Variants in CNTN1 observed in about 807,000 individuals in gnomAD.
The protein encoded by CNTN1 is contactin 1.
A neutral mutation model predicts 126.4 loss-of-function variants in CNTN1; 38 were observed. The observed-to-expected ratio is 0.30, with a 90% CI of 0.23 to 0.39. CNTN1 has a LOEUF of 0.39. Among genes scored for constraint, CNTN1 ranks in the 10% least tolerant of loss-of-function variants. The probability of loss-of-function intolerance (pLI) is 1.00; values close to 1 mark genes in which losing one functional copy is unlikely to be tolerated. For synonymous variants in CNTN1, 413 were observed against 422.6 expected (o/e 0.98, Z 0.28); for missense variants, 1,009 against 1,248.4 (o/e 0.81, Z 2.89).
Position 40,983,468 on chromosome 12 carries a change from C to CGTGTGT in CNTN1, c.1963+2421_1963+2426dup, listed in dbSNP as rs141568233. ...TTTTAATTCCTTTGATGATATTCACCGTGTGTGTGTGTGTGTGTGTGTGTG... is the reference window on the plus strand; with the variant it reads ...TTTTAATTCCTTTGATGATATTCACCGTGTGTGTGTGTGTGTGTGTGTGTGTGTGTG... On this transcript the variant is annotated intron_variant, in intron 16 of 23. Coordinates refer to ENST00000551295, the MANE Select transcript of CNTN1 (RefSeq NM_001843.4). Among the ~76,000 whole-genome samples, 640 of 145,966 alleles carry CGTGTGT rather than the reference C, an allele frequency of 4.4e-3. 7 individuals are homozygous for CGTGTGT. The highest frequency in any genetic ancestry group is 0.015 in the African/African-American group (596 of 40,006).
rs1042257736 is a variant in CNTN1, at chr12:40,839,766, C to T, written c.-76-68591C>T. Among the ~76,000 whole-genome samples the T allele has an allele frequency of 2.0e-5, 3 of 152,220 alleles. No homozygotes were observed. In the East Asian group the frequency reaches 5.8e-4, roughly 29 times the overall value. On this transcript the variant is annotated intron_variant, in intron 1 of 23. Coordinates refer to ENST00000551295, the MANE Select transcript of CNTN1 (RefSeq NM_001843.4). Reference sequence around the variant, plus strand: ...CTAGACCAGTCCTACAAGAAATGCTCGTCCTAAACCAGAAAGCAAAAGAAC... The same window carrying T: ...CTAGACCAGTCCTACAAGAAATGCTTGTCCTAAACCAGAAAGCAAAAGAAC...
At chr12:40,820,962 T>C (rs1283405908) in intron 1 of CNTN1, among the ~76,000 whole-genome samples, 1 of 152,186 alleles carries the variant, frequency 6.6e-6, no homozygotes, top group Non-Finnish European at 1.5e-5. Flanking sequence ...GTAGGGAAAA[T>C]AAGGCTGATG....
At chr12:41,017,401 T>A (rs570996808) in intron 19 of CNTN1, among the ~76,000 whole-genome samples, 1,759 of 142,756 alleles carry the variant, frequency 0.012, 19 homozygotes, top group Non-Finnish European at 0.018. Context: ...AAAAAAAAAA[T>A]TTCTGTAATG....
At chr12:40,868,344 T>A (rs759421530) in intron 1 of CNTN1, among the ~76,000 whole-genome samples, 1 of 152,140 alleles carries the variant, frequency 6.6e-6, no homozygotes, top group Non-Finnish European at 1.5e-5. Flanking sequence ...AAAGCAAAGC[T>A]TCTAATCCAG....
intron 23 of CNTN1, among the ~76,000 whole-genome samples, chr12:41,041,779 T>G (rs563223617): frequency 1.3e-5 from 2 of 152,182 alleles, no homozygotes; most frequent in Non-Finnish European, 2.9e-5. Context: ...TATCATTTTT[T>G]ATTGCGTCTG....
intron 1 of CNTN1, among the ~76,000 whole-genome samples, chr12:40,795,551 T>C (rs1940396525): frequency 6.6e-6 from 1 of 150,594 alleles, no homozygotes; most frequent in East Asian, 2.0e-4. Context: ...TAGGCACATA[T>C]ATATAGGTTC....
chr12:40,934,659 C>T (rs1946018762), intron 9 of CNTN1, among the ~76,000 whole-genome samples: 1 of 151,940 alleles, frequency 6.6e-6, no homozygotes, highest in African/African-American at 2.4e-5. Context: ...TGTCCCATTT[C>T]ACTTTCTCCC....
intron 17 of CNTN1, among the ~76,000 whole-genome samples, chr12:41,007,292 C>T (rs1488389500): frequency 6.6e-6 from 1 of 151,792 alleles, no homozygotes; most frequent in Non-Finnish European, 1.5e-5. Context: ...GATCTCCTGA[C>T]CTTGTGATCC....
chr12:41,045,342 C>T (rs1243787319), intron 23 of CNTN1, among the ~76,000 whole-genome samples: 1 of 151,918 alleles, frequency 6.6e-6, no homozygotes, highest in African/African-American at 2.4e-5. Flanking sequence ...AATTTGTAAC[C>T]CTCTTAGGAA....
chr12:40,872,373 T>C (rs560533729), intron 1 of CNTN1, among the ~76,000 whole-genome samples: 2 of 152,058 alleles, frequency 1.3e-5, no homozygotes, highest in African/African-American at 4.8e-5. Context: ...AATCATTAAA[T>C]GAATTTGTGT....
intron 23 of CNTN1, among the ~76,000 whole-genome samples, chr12:41,038,597 C>T (rs556205834): frequency 2.4e-4 from 37 of 152,138 alleles, no homozygotes; most frequent in African/African-American, 7.5e-4. Flanking sequence ...GTTAGAACTT[C>T]GATATATGAA....
rs562388607 is a variant in CNTN1 at position 40,920,108 on chromosome 12, C to G, written c.227+1337C>G. Among the ~76,000 whole-genome samples the G allele has an allele frequency of 6.6e-5, 10 of 152,268 alleles. No individual in the cohort carries two copies. The South Asian group carries it at 1.7e-3, about 25-fold the overall frequency. ...GGTATGCAATTTTTTCATTATTTAT[C>G]TATCTGGATAGATTGATAGAATCCC... On this transcript the variant is annotated intron_variant, in intron 4 of 23. Transcript: ENST00000551295.
chr12:40,815,708 G>A (rs1332621438), intron 1 of CNTN1, among the ~76,000 whole-genome samples: 1 of 152,134 alleles, frequency 6.6e-6, no homozygotes, highest in African/African-American at 2.4e-5. Context: ...TGGTGAGAAA[G>A]GGCATCCTTG....
chr12:40,780,281 A>T (rs770735090), intron 1 of CNTN1, among the ~76,000 whole-genome samples: 12 of 151,940 alleles, frequency 7.9e-5, no homozygotes, highest in Non-Finnish European at 1.3e-4. Flanking sequence ...TGGGAGGATG[A>T]CAGGTGAACT....
In CNTN1 at chr12:41,025,205, C is replaced by T. The variant is rs761395344; in HGVS notation, c.2579C>T (p.Thr860Ile). ...KEEAANRVQVTSQEYSARLEN... is the reference protein window; with the variant it reads ...KEEAANRVQVISQEYSARLEN... ...GAAGCTGCAAACAGAGTTCAAGTCA[C>T]CAGCCAAGAGTACTCGGCCAGGCTC... The change falls in exon 21 of 24, where the codon ACC (threonine) becomes ATC (isoleucine). Residue 860 changes from threonine (T) to isoleucine (I), a missense_variant. Thr to Ile is a moderately conservative substitution (Grantham distance 89). Coordinates refer to ENST00000551295, the MANE Select transcript of CNTN1 (RefSeq NM_001843.4). 2 of 1,613,960 alleles carry T rather than the reference C, an allele frequency of 1.2e-6. No individual in the cohort carries two copies. The highest frequency in any genetic ancestry group is 1.7e-6 in the Non-Finnish European group (2 of 1,179,898).
At chr12:40,959,290 C>T in intron 15 of CNTN1, 56 bp downstream of exon 15, 1 of 1,582,088 alleles carries the variant, frequency 6.3e-7, no homozygotes, top group Non-Finnish European at 8.7e-7. Flanking sequence ...CTTGCATAAA[C>T]ATGTATAATC....
intron 1 of CNTN1, among the ~76,000 whole-genome samples, chr12:40,901,246 T>C (rs1944594534): frequency 6.6e-6 from 1 of 152,206 alleles, no homozygotes; most frequent in South Asian, 2.1e-4. Flanking sequence ...TTAGTAGTTT[T>C]TTAAAAAGAT....
chr12:41,061,184 T>TG (rs1479681588), intron 23 of CNTN1, among the ~76,000 whole-genome samples: 2 of 152,214 alleles, frequency 1.3e-5, no homozygotes, highest in African/African-American at 2.4e-5. Flanking sequence ...GGTCTCACCT[T>TG]GCCCCAAAAT....
At chr12:40,808,418 G>T (rs1021083839) in intron 1 of CNTN1, among the ~76,000 whole-genome samples, 1 of 151,940 alleles carries the variant, frequency 6.6e-6, no homozygotes, top group African/African-American at 2.4e-5. Flanking sequence ...TGATGTCATC[G>T]AACATCATAT....
Sources: gnomAD v4.1 joint callset for allele counts (sites outside exome capture counted in the v4.1 genomes callset) on GRCh38, gnomAD v4.1.1 for gene constraint, MANE v1.5 for transcripts, NCBI Gene and HGNC (gene_info 2026-07-23, HGNC 2026-07-21) for gene names.